Variants in GALNTL6 observed in about 807,000 individuals in gnomAD.
GALNTL6 encodes the protein polypeptide N-acetylgalactosaminyltransferase like 6, also known as polypeptide N-acetylgalactosaminyltransferase-like 6.
In GALNTL6, 46 loss-of-function variants were observed where a neutral mutation model predicts 73.7. The observed-to-expected ratio is 0.62, with a 90% CI of 0.49 to 0.80. The LOEUF is 0.80. GALNTL6 is among the 30% of genes least tolerant of loss of function. The pLI is 0.00. For synonymous variants in GALNTL6, 259 were observed against 263.7 expected, an observed-to-expected ratio of 0.98 and a Z score of 0.17; for missense variants, 604 against 755.0, an observed-to-expected ratio of 0.80 and a Z score of 2.34.
chr4:172,821,020 C>A (rs1579525085), intron 7 of GALNTL6, among the ~76,000 whole-genome samples: 1 of 152,154 alleles, frequency 6.6e-6, no homozygotes, highest in South Asian at 2.1e-4. Flanking sequence ...CTCATTATTC[C>A]AGAAGCCCCT....
chr4:171,868,764 C>T (rs1434245553), intron 2 of GALNTL6, among the ~76,000 whole-genome samples: 1 of 152,102 alleles, frequency 6.6e-6, no homozygotes, highest in East Asian at 1.9e-4. Flanking sequence ...CCACTGCACC[C>T]TCTGCCTCCC....
rs112793339 is a variant in GALNTL6, at chr4:172,217,483, A to G, written c.139-12173A>G. On this transcript the variant is annotated intron_variant, in intron 2 of 12. Coordinates refer to ENST00000506823, the MANE Select transcript of GALNTL6 (RefSeq NM_001034845.3). ...ATTTCTTCTATTTTAATTTTAGCTT[A>G]AGGAAGTTCCTATTGACAAATCTTC... Among the ~76,000 whole-genome samples, 333 of 152,326 alleles carry G rather than the reference A, an allele frequency of 2.2e-3. 2 individuals carry two copies. The highest frequency in any genetic ancestry group is 7.0e-3 in the African/African-American group (289 of 41,576).
chr4:172,967,016 G>A (rs1355557147), intron 10 of GALNTL6, among the ~76,000 whole-genome samples: 2 of 152,212 alleles, frequency 1.3e-5, no homozygotes, highest in East Asian at 3.8e-4. Context: ...TGGGAGGTGT[G>A]CTCCCCATCG....
At chr4:171,835,542 G>A (rs1230033180) in intron 2 of GALNTL6, among the ~76,000 whole-genome samples, 1 of 151,886 alleles carries the variant, frequency 6.6e-6, no homozygotes, top group African/African-American at 2.4e-5. Context: ...CTATTATTAT[G>A]TATAATGTAA....
Position 173,040,205 on chromosome 4 carries a change from G to T in GALNTL6, c.*105G>T. 1 of 862,178 alleles carries T rather than the reference G, an allele frequency of 1.2e-6. No homozygotes were observed. The highest frequency in any genetic ancestry group is 1.7e-6 in the Non-Finnish European group (1 of 580,354). 53.4% of individuals were successfully genotyped at this position (862,178 alleles called of 1,614,324 possible). On this transcript the variant is annotated 3_prime_UTR_variant, in exon 13 of 13. Coordinates refer to ENST00000506823, the MANE Select transcript of GALNTL6 (RefSeq NM_001034845.3). ...AATAACATTTCCTCGATCCAGGAAG[G>T]CTGGTTTAAAAATTTGCAAATGCCA...
chr4:172,798,741 C>G (rs1293947514), intron 5 of GALNTL6, among the ~76,000 whole-genome samples: 1 of 152,066 alleles, frequency 6.6e-6, no homozygotes, highest in African/African-American at 2.4e-5. Context: ...AGTTTAAAAA[C>G]TATATAACCT....
chr4:171,957,537 A>G (rs1231836205), intron 2 of GALNTL6, among the ~76,000 whole-genome samples: 1 of 152,206 alleles, frequency 6.6e-6, no homozygotes, highest in Non-Finnish European at 1.5e-5. Flanking sequence ...ACCTTCATTA[A>G]ATGCGTGGAG....
intron 5 of GALNTL6, among the ~76,000 whole-genome samples, chr4:172,557,585 G>C (rs1736196138): frequency 6.6e-6 from 1 of 152,064 alleles, no homozygotes; most frequent in African/African-American, 2.4e-5. Context: ...CAAAAGACTT[G>C]AACAGAAACT....
chr4:172,671,003 G>T (rs1356218969), intron 5 of GALNTL6, among the ~76,000 whole-genome samples: 2 of 152,050 alleles, frequency 1.3e-5, no homozygotes, highest in South Asian at 2.1e-4. Flanking sequence ...TGTTCCATTG[G>T]TCTATGTGTC....
intron 5 of GALNTL6, among the ~76,000 whole-genome samples, chr4:172,420,349 G>T (rs542805926): frequency 6.6e-6 from 1 of 152,296 alleles, no homozygotes; most frequent in South Asian, 2.1e-4. Flanking sequence ...AAAAAGTCCC[G>T]TATTGGGAGC....
intron 2 of GALNTL6, among the ~76,000 whole-genome samples, chr4:172,051,007 C>G (rs1730843157): frequency 6.6e-6 from 1 of 152,118 alleles, no homozygotes; most frequent in Non-Finnish European, 1.5e-5. Flanking sequence ...TAACAAGGCA[C>G]CTCATAAGTT....
rs549431794 is a variant in GALNTL6 at position 172,306,175 on chromosome 4, G to A, written c.248-5439G>A. 4.3e-4 allele frequency among the ~76,000 whole-genome samples: 66 copies of A among 152,202 alleles called. 1 individual carries two copies. The East Asian group carries it at 0.011, about 26-fold the overall frequency. On this transcript the variant is annotated intron_variant, in intron 3 of 12. Coordinates refer to ENST00000506823, the MANE Select transcript of GALNTL6 (RefSeq NM_001034845.3). ...AGGCCAAGCTGGGAAAGTAACCTGA[G>A]GCCAGAAGTTCGAGACCAACCTGGC...
chr4:172,852,158 A>G (rs1743858679), intron 7 of GALNTL6, among the ~76,000 whole-genome samples: 1 of 152,106 alleles, frequency 6.6e-6, no homozygotes, highest in African/African-American at 2.4e-5. Flanking sequence ...CAGTAACCCT[A>G]GTAGCTTCTA....
chr4:172,172,783 C>T (rs1734873866), intron 2 of GALNTL6, among the ~76,000 whole-genome samples: 1 of 152,186 alleles, frequency 6.6e-6, no homozygotes, highest in African/African-American at 2.4e-5. Context: ...CAGGCAGGCC[C>T]TACCCATTTG....
At chr4:172,823,110 C>T (rs1013851927) in intron 7 of GALNTL6, among the ~76,000 whole-genome samples, 1 of 152,158 alleles carries the variant, frequency 6.6e-6, no homozygotes, top group African/African-American at 2.4e-5. Context: ...ACCTGAAGTT[C>T]AGCAATATTG....
intron 5 of GALNTL6, among the ~76,000 whole-genome samples, chr4:172,705,482 C>T (rs975879373): frequency 6.6e-6 from 1 of 151,062 alleles, no homozygotes; most frequent in Non-Finnish European, 1.5e-5. Context: ...CACTTTAGCT[C>T]TATTCCTTCC....
intron 5 of GALNTL6, among the ~76,000 whole-genome samples, chr4:172,598,252 G>A (rs1737936515): frequency 6.6e-6 from 1 of 152,018 alleles, no homozygotes; most frequent in South Asian, 2.1e-4. Flanking sequence ...AAACATATTG[G>A]CAGTGATTTT....
chr4:171,843,814 A>G (rs760826829), intron 2 of GALNTL6, among the ~76,000 whole-genome samples: 1 of 152,198 alleles, frequency 6.6e-6, no homozygotes, highest in Non-Finnish European at 1.5e-5. Context: ...CTGGTGGTTA[A>G]CAGAATTTTT....
chr4:171,936,722 T>C (rs144554166), intron 2 of GALNTL6, among the ~76,000 whole-genome samples: 14 of 152,294 alleles, frequency 9.2e-5, no homozygotes, highest in Non-Finnish European at 4.4e-5. Flanking sequence ...ACAATGGACA[T>C]ATATCATAGC....
Sources: allele counts gnomAD v4.1 joint callset (sites outside exome capture counted in the v4.1 genomes callset), GRCh38; gene constraint gnomAD v4.1.1; transcripts MANE v1.5; gene names NCBI Gene and HGNC (gene_info 2026-07-23, HGNC 2026-07-21).